Variants in SMCHD1 observed in about 807,000 individuals in gnomAD.
SMCHD1 encodes structural maintenance of chromosomes flexible hinge domain-containing protein 1.
A neutral mutation model predicts 254.7 loss-of-function variants in SMCHD1; 78 were observed. The observed-to-expected ratio is 0.31, with a 90% CI of 0.26 to 0.37. The LOEUF is 0.37. SMCHD1 is among the 10% of genes least tolerant of loss of function. The pLI is 1.00. For missense variants in SMCHD1, 1,840 were observed against 2,408.1 expected (o/e 0.76, Z 4.94); for synonymous variants, 766 against 794.9 (o/e 0.96, Z 0.61).
At chr18:2,708,907 T>TATATATGTATATATAA (rs769432583) in intron 17 of SMCHD1, among the ~76,000 whole-genome samples, 2 of 44,702 alleles carry the variant, frequency 4.5e-5, no homozygotes, top group Non-Finnish European at 8.0e-5. Flanking sequence ...TATATATATA[T>TATATATGTATATATAA]AACATATTAA....
At chr18:2,748,380 G>GTATATATA (rs200345949) in intron 30 of SMCHD1, among the ~76,000 whole-genome samples, 3 of 80,278 alleles carry the variant, frequency 3.7e-5, no homozygotes, top group South Asian at 4.8e-4. Flanking sequence ...GTGTGTGTGT[G>GTATATATA]TGTATATAAA....
At position 2,700,525 on chromosome 18, in the gene SMCHD1, C is replaced by T. The variant is rs763092700; in HGVS notation, c.1343-14C>T. 1.3e-6 allele frequency: 2 copies of T among 1,591,944 alleles called. No homozygotes were observed. The highest frequency in any genetic ancestry group is 1.4e-5 in the African/African-American group (1 of 73,738). ...AGCAATAAACATTTTGTTCCATTTGCCCTTTTGATCTAGAATTAAAAGATG... is the reference window on the plus strand; with the variant it reads ...AGCAATAAACATTTTGTTCCATTTGTCCTTTTGATCTAGAATTAAAAGATG... On this transcript the variant is annotated splice_polypyrimidine_tract_variant and intron_variant, in intron 10 of 47. Coordinates refer to ENST00000320876, the MANE Select transcript of SMCHD1 (RefSeq NM_015295.3).
chr18:2,793,802 G>A (rs12326293), intron 45 of SMCHD1, among the ~76,000 whole-genome samples: 44,319 of 151,880 alleles, frequency 0.29, 6,697 homozygotes, highest in East Asian at 0.51. Context: ...ATATGAATAT[G>A]TTCACAAGCA....
intron 1 of SMCHD1, among the ~76,000 whole-genome samples, chr18:2,664,390 T>G (rs1441200297): frequency 6.6e-6 from 1 of 152,214 alleles, no homozygotes; most frequent in Non-Finnish European, 1.5e-5. Context: ...TATTTTCAAT[T>G]TAAAGCATTT....
chr18:2,796,135 A>C lies in SMCHD1; in HGVS notation c.5878+28A>C, dbSNP rs777271432. On this transcript the variant is annotated intron_variant, in intron 46 of 47. Transcript: ENST00000320876. ...AAGTCTTTGCTTTTTGTTAACTTCT[A>C]CTTTCTTTATATGGAGATAAATATT... 10 of 1,469,160 alleles carry C rather than the reference A, an allele frequency of 6.8e-6. No individual in the cohort carries two copies. In the African/African-American group the frequency reaches 1.3e-4, roughly 19 times the overall value. 91.0% of individuals were successfully genotyped at this position (1,469,160 alleles called of 1,614,324 possible).
intron 17 of SMCHD1, among the ~76,000 whole-genome samples, chr18:2,714,832 G>C (rs1169419212): frequency 6.6e-6 from 1 of 152,056 alleles, no homozygotes; most frequent in Non-Finnish European, 1.5e-5. Context: ...CACAAGATTT[G>C]TGGTTGACAG....
At chr18:2,731,202 A>T (rs936659796) in intron 24 of SMCHD1, among the ~76,000 whole-genome samples, 4 of 152,246 alleles carry the variant, frequency 2.6e-5, no homozygotes, top group African/African-American at 7.2e-5. Flanking sequence ...ATAGGCTTCC[A>T]TAAGTTAAAT....
chr18:2,722,176 T>C (rs1453469317), intron 19 of SMCHD1, among the ~76,000 whole-genome samples: 3 of 152,186 alleles, frequency 2.0e-5, no homozygotes, highest in African/African-American at 7.2e-5. Context: ...AAAGGTATAA[T>C]GGCTGGGCAT....
chr18:2,732,599 C>T, intron 25 of SMCHD1, 107 bp downstream of exon 25: 1 of 678,256 alleles, frequency 1.5e-6, no homozygotes. Context: ...AAGCTTGTCA[C>T]AGAAAAGTTA....
intron 28 of SMCHD1, among the ~76,000 whole-genome samples, 194 bp from the exon 29 acceptor site, chr18:2,743,567 G>GA (rs1598394727): frequency 6.6e-6 from 1 of 152,104 alleles, no homozygotes; most frequent in South Asian, 2.1e-4. Flanking sequence ...CCCCTTGAAA[G>GA]AAAAAATTCA....
At chr18:2,688,873 T>C (rs1307744375) in intron 7 of SMCHD1, 126 bp downstream of exon 7, 1 of 570,764 alleles carries the variant, frequency 1.8e-6, no homozygotes, top group Non-Finnish European at 2.8e-6. Flanking sequence ...ATAACAAAAA[T>C]GGGCTTTCTC....
chr18:2,746,787 T>G (rs1007871708), intron 29 of SMCHD1, among the ~76,000 whole-genome samples: 10 of 152,204 alleles, frequency 6.6e-5, no homozygotes, highest in Non-Finnish European at 1.2e-4. Flanking sequence ...TTGTAAACTT[T>G]TAAAATGTTG....
At chr18:2,657,367 C>T (rs2073099995) in intron 1 of SMCHD1, among the ~76,000 whole-genome samples, 1 of 152,176 alleles carries the variant, frequency 6.6e-6, no homozygotes, top group Non-Finnish European at 1.5e-5. Flanking sequence ...AAACCTATCC[C>T]CTCAAGTTAA....
chr18:2,709,232 G>GTGTATATATATATATA (rs3037640), intron 17 of SMCHD1, among the ~76,000 whole-genome samples: 2 of 79,654 alleles, frequency 2.5e-5, no homozygotes, highest in African/African-American at 3.5e-5. Context: ...GTGTATATGT[G>GTGTATATATATATATA]TATATATATA....
intron 26 of SMCHD1, 111 bp downstream of exon 26, chr18:2,738,656 A>G (rs958261020): frequency 6.4e-6 from 6 of 938,024 alleles, no homozygotes; most frequent in Non-Finnish European, 8.9e-6. Context: ...TATGAAATAT[A>G]ATAGATTGTC....
At chr18:2,667,084 CT>C in intron 3 of SMCHD1, 53 bp downstream of exon 3, 2 of 1,258,752 alleles carry the variant, frequency 1.6e-6, no homozygotes, top group Middle Eastern at 2.1e-4. Flanking sequence ...CCTTTATCCC[CT>C]GATTACGTAT....
intron 5 of SMCHD1, among the ~76,000 whole-genome samples, chr18:2,687,928 A>G (rs623573): frequency 0.85 from 128,830 of 152,114 alleles, 57,984 homozygotes; most frequent in East Asian, 1. Context: ...AAGACCAGTG[A>G]TGCCTCTTCT....
chr18:2,656,653 G>C (rs2073069636), intron 1 of SMCHD1, among the ~76,000 whole-genome samples: 1 of 152,264 alleles, frequency 6.6e-6, no homozygotes, highest in Non-Finnish European at 1.5e-5. Context: ...AGAGAAGGGA[G>C]TTAACGCCCA....
chr18:2,753,852 C>T (rs1049409561), intron 34 of SMCHD1, among the ~76,000 whole-genome samples: 9 of 152,084 alleles, frequency 5.9e-5, no homozygotes, highest in Non-Finnish European at 8.8e-5. Flanking sequence ...CCACCGTGCC[C>T]GGCCCTTCCC....
Sources: gnomAD v4.1 joint callset for allele counts (sites outside exome capture counted in the v4.1 genomes callset) on GRCh38, gnomAD v4.1.1 for gene constraint, MANE v1.5 for transcripts, NCBI Gene and HGNC (gene_info 2026-07-23, HGNC 2026-07-21) for gene names.